Variants in PELI2 observed in about 807,000 individuals in gnomAD.
PELI2 encodes the protein pellino E3 ubiquitin protein ligase family member 2, also known as E3 ubiquitin-protein ligase pellino homolog 2.
PELI2 carries 23 observed loss-of-function variants against 42.3 expected under a neutral mutation model. The ratio of observed to expected loss-of-function variants is 0.54; its 90% CI spans 0.39 to 0.77. PELI2 has a LOEUF of 0.77. PELI2 is among the 30% of genes least tolerant of loss of function. The probability of loss-of-function intolerance (pLI) is 0.00; values close to 1 mark genes in which losing one functional copy is unlikely to be tolerated. For missense variants in PELI2, 463 were observed against 553.2 expected (o/e 0.84, Z 1.64); for synonymous variants, 245 against 212.2 (o/e 1.15, Z -1.34).
At chr14:56,256,643 G>A (rs1212049260) in intron 2 of PELI2, among the ~76,000 whole-genome samples, 3 of 152,116 alleles carry the variant, frequency 2.0e-5, no homozygotes, top group African/African-American at 2.4e-5. Context: ...TATTTAAGAC[G>A]TAATTAGAAA....
At chr14:56,224,494 T>C (rs1456191050) in intron 2 of PELI2, among the ~76,000 whole-genome samples, 3 of 152,212 alleles carry the variant, frequency 2.0e-5, no homozygotes, top group African/African-American at 7.2e-5. Flanking sequence ...GGTAAAATTG[T>C]TGCACTTGAG....
intron 2 of PELI2, among the ~76,000 whole-genome samples, chr14:56,250,141 T>C (rs1365899187): frequency 6.6e-6 from 1 of 152,156 alleles, no homozygotes; most frequent in Non-Finnish European, 1.5e-5. Flanking sequence ...CAAGCTTATT[T>C]CCAAAAGCCA....
intron 2 of PELI2, among the ~76,000 whole-genome samples, chr14:56,249,434 C>T (rs1888269962): frequency 6.6e-6 from 1 of 152,136 alleles, no homozygotes; most frequent in African/African-American, 2.4e-5. Flanking sequence ...GTTTTCCCTC[C>T]TATTTAAATC....
At chr14:56,280,431 A>G (rs1889444140) in intron 3 of PELI2, among the ~76,000 whole-genome samples, 1 of 152,118 alleles carries the variant, frequency 6.6e-6, no homozygotes, top group South Asian at 2.1e-4. Flanking sequence ...AAAAAAGAGA[A>G]TTAATGAATA....
At chr14:56,200,268 C>T (rs868607104) in intron 2 of PELI2, among the ~76,000 whole-genome samples, 2 of 152,274 alleles carry the variant, frequency 1.3e-5, no homozygotes, top group Admixed American at 6.5e-5. Context: ...CAGGTAATAT[C>T]TATGGCCACC....
intron 1 of PELI2, among the ~76,000 whole-genome samples, chr14:56,150,716 A>G (rs1884317186): frequency 6.6e-6 from 1 of 152,200 alleles, no homozygotes; most frequent in Admixed American, 6.5e-5. Flanking sequence ...AAGGCTTGAT[A>G]TGGACACTGA....
chr14:56,212,122 G>A (rs143203510), intron 2 of PELI2, among the ~76,000 whole-genome samples: 2 of 152,194 alleles, frequency 1.3e-5, no homozygotes, highest in African/African-American at 4.8e-5. Context: ...AGTGAAAATA[G>A]CTGGGGGAAA....
chr14:56,134,884 T>G (rs1291158942), intron 1 of PELI2, among the ~76,000 whole-genome samples: 1 of 152,098 alleles, frequency 6.6e-6, no homozygotes, highest in East Asian at 1.9e-4. Flanking sequence ...TTTCCCAACC[T>G]GACTTCAGTT....
chr14:56,237,387 G>A (rs760373004), intron 2 of PELI2, among the ~76,000 whole-genome samples: 1 of 152,122 alleles, frequency 6.6e-6, no homozygotes, highest in Non-Finnish European at 1.5e-5. Context: ...TTAATATTCA[G>A]TATTCACTTG....
Position 56,147,534 on chromosome 14 carries a change from G to T in PELI2, c.77+28797G>T, listed in dbSNP as rs183189269. 2.8e-3 allele frequency among the ~76,000 whole-genome samples: 424 copies of T among 152,284 alleles called. 1 individual carries two copies. Among genetic ancestry groups the T allele is most frequent in the Admixed American group, 5.4e-3 (82 of 15,292 alleles). ...TGAATTCCTACACCAGCACCAAATTGCATAGAATGGCATTTTGAGGATATA... is the reference window on the plus strand; with the variant it reads ...TGAATTCCTACACCAGCACCAAATTTCATAGAATGGCATTTTGAGGATATA... On this transcript the variant is annotated intron_variant, in intron 1 of 5. Transcript: ENST00000267460.
At position 56,133,726 on chromosome 14, in the gene PELI2, C is replaced by T. The variant is rs901090529; in HGVS notation, c.77+14989C>T. Among the ~76,000 whole-genome samples, 9 of 152,314 alleles carry T rather than the reference C, an allele frequency of 5.9e-5. No homozygotes were observed. The South Asian group carries it at 6.2e-4, about 11-fold the overall frequency. On this transcript the variant is annotated intron_variant, in intron 1 of 5. Coordinates refer to ENST00000267460, the MANE Select transcript of PELI2 (RefSeq NM_021255.3). ...TGTCACTTCCAGCGTGATGCCCTTC[C>T]TGAATCCTCCCCCTTTTCCCTCCAG... is the stretch of plus-strand genomic sequence containing the variant.
At chr14:56,291,452 G>A (rs1889826914) in intron 5 of PELI2, among the ~76,000 whole-genome samples, 1 of 152,036 alleles carries the variant, frequency 6.6e-6, no homozygotes, top group Admixed American at 6.6e-5. Flanking sequence ...CCATTTTTCA[G>A]CTTCAGGCAC....
At chr14:56,162,179 C>G (rs530370753) in intron 1 of PELI2, among the ~76,000 whole-genome samples, 1 of 152,236 alleles carries the variant, frequency 6.6e-6, no homozygotes, top group East Asian at 1.9e-4. Flanking sequence ...TTGACTGTAG[C>G]CACCTTATTG....
intron 2 of PELI2, among the ~76,000 whole-genome samples, chr14:56,246,872 T>C (rs571359835): frequency 6.6e-6 from 1 of 152,228 alleles, no homozygotes; most frequent in Non-Finnish European, 1.5e-5. Context: ...ACGTTTCCTT[T>C]TTAGAATTTA....
intron 2 of PELI2, among the ~76,000 whole-genome samples, chr14:56,218,321 T>G (rs1293206650): frequency 6.6e-6 from 1 of 152,266 alleles, no homozygotes. Context: ...AGCAGACTAG[T>G]CTAGTGTTCA....
At chr14:56,254,298 C>T (rs1888449947) in intron 2 of PELI2, among the ~76,000 whole-genome samples, 1 of 151,210 alleles carries the variant, frequency 6.6e-6, no homozygotes. Context: ...ATTCGGAAGG[C>T]TGGGGCAGGA....
intron 2 of PELI2, among the ~76,000 whole-genome samples, chr14:56,179,832 T>C (rs997909037): frequency 6.6e-6 from 1 of 152,208 alleles, no homozygotes; most frequent in Non-Finnish European, 1.5e-5. Context: ...GTGGTCCTTA[T>C]AATTTTGTCT....
At chr14:56,276,165 A>G (rs923187321) in intron 2 of PELI2, among the ~76,000 whole-genome samples, 2 of 152,216 alleles carry the variant, frequency 1.3e-5, no homozygotes, top group African/African-American at 4.8e-5. Flanking sequence ...TCCGTAAGAC[A>G]TGACCCAAGA....
At chr14:56,277,484 G>A (rs770986681) in intron 2 of PELI2, among the ~76,000 whole-genome samples, 2 of 151,878 alleles carry the variant, frequency 1.3e-5, no homozygotes, top group Non-Finnish European at 2.9e-5. Flanking sequence ...CAACATTATG[G>A]TGAGTTGCAT....
Sources: gnomAD v4.1 joint callset for allele counts (sites outside exome capture counted in the v4.1 genomes callset) on GRCh38, gnomAD v4.1.1 for gene constraint, MANE v1.5 for transcripts, NCBI Gene and HGNC (gene_info 2026-07-23, HGNC 2026-07-21) for gene names.